Variants in ADGRV1 observed in about 807,000 individuals in gnomAD.
The protein encoded by ADGRV1 is adhesion G protein-coupled receptor V1, also known as G-protein coupled receptor 98.
A neutral mutation model predicts 596.2 loss-of-function variants in ADGRV1; 359 were observed. The ratio of observed to expected loss-of-function variants is 0.60; its 90% CI spans 0.55 to 0.66. The LOEUF (loss-of-function observed/expected upper bound fraction) is 0.66, where lower values mean the gene tolerates loss of function less well. Ranked by LOEUF, ADGRV1 falls within the 30% of genes least tolerant of loss-of-function variation. The pLI, the probability that ADGRV1 is intolerant of heterozygous loss-of-function variation, is 0.00. For synonymous variants in ADGRV1, 2,681 were observed against 2,679.2 expected, an observed-to-expected ratio of 1.00 and a Z score of -0.02; for missense variants, 7,274 against 7,575.6, an observed-to-expected ratio of 0.96 and a Z score of 1.48.
chr5:90,660,274 A>C (rs1770072657), intron 21 of ADGRV1, among the ~76,000 whole-genome samples: 1 of 152,172 alleles, frequency 6.6e-6, no homozygotes. Flanking sequence ...TTAAATTTTT[A>C]ATTTTTCATT....
chr5:90,823,622 G>A (rs1763808209), intron 76 of ADGRV1, 26 bp downstream of exon 76: 6 of 1,578,836 alleles, frequency 3.8e-6, no homozygotes, highest in Non-Finnish European at 5.2e-6. Context: ...ACACACTAGT[G>A]TCAACTTCTA....
chr5:90,773,505 G>T (rs918851089), intron 59 of ADGRV1, among the ~76,000 whole-genome samples: 1 of 152,034 alleles, frequency 6.6e-6, no homozygotes, highest in African/African-American at 2.4e-5. Flanking sequence ...CTATGAGAAA[G>T]AAGTATAAAA....
rs769422786 is a variant in ADGRV1 at position 90,697,005 on chromosome 5, A to G, written c.8014A>G (p.Ile2672Val). ...DSEPEDDESI[I>V]VSLVYTEGGS... ...TGAACCAGAGGATGACGAAAGTATC[A>G]TAGTTAGTTTGGTGTACACTGAAGG... Residue 2672 changes from isoleucine (I) to valine (V), a missense_variant, in exon 34 of 90, where the codon ATA becomes GTA. Ile to Val is a conservative substitution (Grantham distance 29). This residue lies in a region of ADGRV1 where 3,643 missense variants were observed against 3,809.2 expected (regional missense o/e 0.96). Coordinates refer to ENST00000405460, the MANE Select transcript of ADGRV1 (RefSeq NM_032119.4). 20 of 1,613,310 alleles carry G rather than the reference A, an allele frequency of 1.2e-5. No individual in the cohort carries two copies. In the South Asian group the frequency reaches 1.9e-4, roughly 15 times the overall value.
rs1024553356 is a variant in ADGRV1 at position 90,789,965 on chromosome 5, C to T, written c.14043+114C>T. ...TAAAGTTTTTGATAAACTAAAGTTACGTGAGTTTTCAGAGAAACAGAGGCT... is the reference window on the plus strand; with the variant it reads ...TAAAGTTTTTGATAAACTAAAGTTATGTGAGTTTTCAGAGAAACAGAGGCT... On this transcript the variant is annotated intron_variant, in intron 69 of 89. Coordinates refer to ENST00000405460, the MANE Select transcript of ADGRV1 (RefSeq NM_032119.4). 16 of 696,284 alleles carry T rather than the reference C, an allele frequency of 2.3e-5. No homozygotes were observed. The East Asian group carries it at 2.3e-4, about 10-fold the overall frequency. 43.1% of individuals were successfully genotyped at this position (696,284 alleles called of 1,614,324 possible).
chr5:91,146,322 C>T (rs1206074033), intron 87 of ADGRV1, among the ~76,000 whole-genome samples: 1 of 152,110 alleles, frequency 6.6e-6, no homozygotes, highest in Non-Finnish European at 1.5e-5. Flanking sequence ...ACAGTAGATC[C>T]TTTGTAGAGA....
At chr5:91,058,016 A>C (rs1787046494) in intron 85 of ADGRV1, among the ~76,000 whole-genome samples, 1 of 152,238 alleles carries the variant, frequency 6.6e-6, no homozygotes. Context: ...GCATATGCAA[A>C]GAATAAAATG....
chr5:90,872,782 G>A (rs910944636), intron 83 of ADGRV1, among the ~76,000 whole-genome samples: 4 of 152,100 alleles, frequency 2.6e-5, no homozygotes, highest in African/African-American at 9.7e-5. Context: ...CCTTTACAGA[G>A]GAGCCCTCAG....
chr5:90,872,948 C>A (rs928370637), intron 83 of ADGRV1, among the ~76,000 whole-genome samples: 2 of 152,188 alleles, frequency 1.3e-5, no homozygotes, highest in Non-Finnish European at 2.9e-5. Context: ...ATCTTGCTTC[C>A]TTCTGTGAAA....
intron 50 of ADGRV1, among the ~76,000 whole-genome samples, chr5:90,739,256 A>G (rs1442029441): frequency 6.6e-6 from 1 of 152,078 alleles, no homozygotes; most frequent in East Asian, 1.9e-4. Flanking sequence ...CTGAACTTCA[A>G]GAGAATTATT....
chr5:91,085,964 A>G (rs192069642), intron 86 of ADGRV1, among the ~76,000 whole-genome samples: 71 of 152,264 alleles, frequency 4.7e-4, no homozygotes, highest in Non-Finnish European at 8.1e-4. Context: ...TTCATCACTC[A>G]TAACGTTGGA....
chr5:90,711,590 C>T (rs1749357554), intron 41 of ADGRV1, among the ~76,000 whole-genome samples: 1 of 152,072 alleles, frequency 6.6e-6, no homozygotes, highest in South Asian at 2.1e-4. Context: ...CTAGAGAATA[C>T]AAGCTGTAAT....
chr5:90,724,490 A>G (rs1561601860), intron 45 of ADGRV1, among the ~76,000 whole-genome samples: 1 of 152,180 alleles, frequency 6.6e-6, no homozygotes, highest in African/African-American at 2.4e-5. Context: ...CGGCCTCCCA[A>G]AATTCTGGGA....
Position 90,625,247 on chromosome 5 carries a change from G to A in ADGRV1, c.672+4G>A. 2 of 1,586,076 alleles carry A rather than the reference G, an allele frequency of 1.3e-6. No individual in the cohort carries two copies. Among genetic ancestry groups the A allele is most frequent in the Non-Finnish European group, 1.7e-6 (2 of 1,155,718 alleles). ...CTTGACAGTACTCGATGACGAGGTT[G>A]GCTAATGTTACATACCCAAATGGGA... On this transcript the variant is annotated splice_donor_region_variant and intron_variant, in intron 6 of 89. Transcript: ENST00000405460.
rs564336694 is a variant in ADGRV1 at position 90,978,021 on chromosome 5, G to A, written c.17974-7323G>A. ...ATGAATAAATATTTGTTTTGACTGGGCACGGTAGCTCAAGCCTGTAATCCA... is the reference window on the plus strand; with the variant it reads ...ATGAATAAATATTTGTTTTGACTGGACACGGTAGCTCAAGCCTGTAATCCA... On this transcript the variant is annotated intron_variant, in intron 84 of 89. Coordinates refer to ENST00000405460, the MANE Select transcript of ADGRV1 (RefSeq NM_032119.4). 7.2e-5 allele frequency among the ~76,000 whole-genome samples: 11 copies of A among 152,236 alleles called. No individual in the cohort carries two copies. The East Asian group carries it at 2.1e-3, about 29-fold the overall frequency.
At chr5:90,967,560 GTGCTA>G (rs1778585243) in intron 84 of ADGRV1, among the ~76,000 whole-genome samples, 1 of 152,100 alleles carries the variant, frequency 6.6e-6, no homozygotes, top group South Asian at 2.1e-4. Context: ...GAGGTCCCCA[GTGCTA>G]TGCTAAAGGT....
intron 70 of ADGRV1, among the ~76,000 whole-genome samples, chr5:90,797,166 C>T (rs775889802): frequency 1.3e-5 from 2 of 151,590 alleles, no homozygotes; most frequent in Non-Finnish European, 2.9e-5. Flanking sequence ...AATTAAAAGA[C>T]ACAGACTGCC....
At chr5:90,666,771 G>A (rs1771487574) in intron 21 of ADGRV1, among the ~76,000 whole-genome samples, 1 of 151,604 alleles carries the variant, frequency 6.6e-6, no homozygotes, top group Non-Finnish European at 1.5e-5. Context: ...TCCATGTTTA[G>A]CGCTTCCTTC....
rs185699543 is a variant in ADGRV1, at chr5:90,732,243, A to C, written c.10549+2479A>C. ...GGTCTTGAGCTCCAGGCTTCAGGAG[A>C]TCCTCCTGCCTCAAAGTGCTGGGAT... On this transcript the variant is annotated intron_variant, in intron 50 of 89. Coordinates refer to ENST00000405460, the MANE Select transcript of ADGRV1 (RefSeq NM_032119.4). 2.8e-3 allele frequency among the ~76,000 whole-genome samples: 433 copies of C among 152,170 alleles called. 1 individual carries two copies. Among genetic ancestry groups the C allele is most frequent in the African/African-American group, 9.9e-3 (410 of 41,502 alleles).
At chr5:90,673,752 A>G (rs1435471592) in intron 22 of ADGRV1, among the ~76,000 whole-genome samples, 1 of 152,082 alleles carries the variant, frequency 6.6e-6, no homozygotes, top group Non-Finnish European at 1.5e-5. Flanking sequence ...TTTTAATACC[A>G]TCACTTTGGG....
Sources: allele counts gnomAD v4.1 joint callset (sites outside exome capture counted in the v4.1 genomes callset), GRCh38; gene constraint gnomAD v4.1.1; regional missense constraint gnomAD v4.1.1; transcripts MANE v1.5; gene names NCBI Gene and HGNC (gene_info 2026-07-23, HGNC 2026-07-21).